The following GRIK4 variants were observed in gnomAD, a reference collection of about 807,000 sequenced individuals.
GRIK4 encodes the protein glutamate receptor ionotropic, kainate 4.
GRIK4 carries 40 observed loss-of-function variants against 104.9 expected under a neutral mutation model. The ratio of observed to expected loss-of-function variants is 0.38; its 90% CI spans 0.30 to 0.50. GRIK4 has a LOEUF of 0.50. GRIK4 is among the 20% of genes least tolerant of loss of function. GRIK4 has a pLI of 0.93. For synonymous variants in GRIK4, 485 were observed against 524.9 expected, an observed-to-expected ratio of 0.92 and a Z score of 1.04; for missense variants, 1,047 against 1,308.1, an observed-to-expected ratio of 0.80 and a Z score of 3.08.
In GRIK4 at chr11:120,790,059, C is replaced by T. The variant is rs1165738655; in HGVS notation, c.83-12634C>T. Among the ~76,000 whole-genome samples, 3 of 152,124 alleles carry T rather than the reference C, an allele frequency of 2.0e-5. No individual in the cohort carries two copies. In the East Asian group the frequency reaches 5.8e-4, roughly 29 times the overall value. On this transcript the variant is annotated intron_variant, in intron 3 of 20. Coordinates refer to ENST00000527524, the MANE Select transcript of GRIK4 (RefSeq NM_014619.5). ...GAGTCAAATGACCTCATCTTAGTCACCTGTGATTTCCCAGCACATGAACAG... is the reference window on the plus strand; with the variant it reads ...GAGTCAAATGACCTCATCTTAGTCATCTGTGATTTCCCAGCACATGAACAG...
intron 3 of GRIK4, among the ~76,000 whole-genome samples, chr11:120,664,292 C>T (rs1272798889): frequency 6.6e-6 from 1 of 152,210 alleles, no homozygotes; most frequent in Non-Finnish European, 1.5e-5. Flanking sequence ...GCTGAAGATC[C>T]TGGTTGGGTT....
At chr11:120,701,924 G>A (rs1950557455) in intron 3 of GRIK4, among the ~76,000 whole-genome samples, 1 of 149,084 alleles carries the variant, frequency 6.7e-6, no homozygotes, top group Admixed American at 6.7e-5. Flanking sequence ...GTATGTGTAA[G>A]AGAGACAGAT....
chr11:120,820,334 A>G lies in GRIK4; in HGVS notation c.511+414A>G, dbSNP rs960607679. Among the ~76,000 whole-genome samples the G allele has an allele frequency of 2.6e-5, 4 of 152,188 alleles. No individual in the cohort carries two copies. The South Asian group carries it at 8.3e-4, about 32-fold the overall frequency. On this transcript the variant is annotated intron_variant, in intron 6 of 20. Coordinates refer to ENST00000527524, the MANE Select transcript of GRIK4 (RefSeq NM_014619.5). The stretch of plus-strand genomic sequence containing the variant: ...AGATACAAAAAGAGAGAGAGGGAAC[A>G]TATAAAATTGGATGCATTTGTACTT...
intron 19 of GRIK4, among the ~76,000 whole-genome samples, chr11:120,972,163 C>T (rs976876135): frequency 6.6e-6 from 1 of 152,216 alleles, no homozygotes; most frequent in Non-Finnish European, 1.5e-5. Context: ...GATGCCCCAT[C>T]ATCATGCCAC....
intron 3 of GRIK4, among the ~76,000 whole-genome samples, chr11:120,715,259 C>T (rs1950807765): frequency 6.6e-6 from 1 of 152,188 alleles, no homozygotes; most frequent in African/African-American, 2.4e-5. Flanking sequence ...CCCTGGGGCA[C>T]AGTCCCGAGG....
chr11:120,817,675 GTA>G (rs1056152207), intron 5 of GRIK4, among the ~76,000 whole-genome samples: 3 of 152,174 alleles, frequency 2.0e-5, no homozygotes, highest in Non-Finnish European at 4.4e-5. Flanking sequence ...TGCACATTGA[GTA>G]TAGATCGATC....
intron 13 of GRIK4, among the ~76,000 whole-genome samples, chr11:120,916,787 G>A (rs1943113222): frequency 6.6e-6 from 1 of 152,194 alleles, no homozygotes; most frequent in South Asian, 2.1e-4. Flanking sequence ...TTAGACTTGA[G>A]TCTCATTCCC....
chr11:120,717,414 C>T (rs141542442), intron 3 of GRIK4, among the ~76,000 whole-genome samples: 23 of 152,242 alleles, frequency 1.5e-4, no homozygotes, highest in African/African-American at 5.1e-4. Flanking sequence ...TGCTCACAGG[C>T]GGATGAGCAT....
chr11:120,982,186 G>C lies in GRIK4; in HGVS notation c.2476G>C (p.Glu826Gln), dbSNP rs1234274683. 6.2e-7 allele frequency: 1 copy of C among 1,611,026 alleles called. No homozygotes were observed. The highest frequency in any genetic ancestry group is 1.7e-5 in the Admixed American group (1 of 60,002). Residue 826 changes from glutamate (E) to glutamine (Q), a missense_variant, in exon 20 of 21, where the codon GAG becomes CAG. Physicochemically the swap from Glu to Gln is conservative, Grantham distance 29 (BLOSUM62 2). Around this residue, in one of 3 missense-constraint regions of GRIK4, gnomAD observed 440 missense variants for 652.3 expected, o/e 0.67. Coordinates refer to ENST00000527524, the MANE Select transcript of GRIK4 (RefSeq NM_014619.5). ...CGTGGCCATTTTTATGGCTATGTTG[G>C]AGTTTTTATGGACTCTCAGACACTC... ...LIVAIFMAML[E>Q]FLWTLRHSEA...
intron 1 of GRIK4, among the ~76,000 whole-genome samples, chr11:120,602,653 T>C (rs1227646285): frequency 6.6e-6 from 1 of 152,210 alleles, no homozygotes; most frequent in Non-Finnish European, 1.5e-5. Context: ...TATCTGGGTA[T>C]GAGGGTATCT....
intron 4 of GRIK4, among the ~76,000 whole-genome samples, chr11:120,806,347 T>C (rs1952712446): frequency 6.6e-6 from 1 of 152,210 alleles, no homozygotes; most frequent in Admixed American, 6.5e-5. Context: ...TTTCTGGGCT[T>C]GATGCATCTG....
intron 1 of GRIK4, among the ~76,000 whole-genome samples, chr11:120,645,143 GTGTGTA>G (rs1186276847): frequency 1.9e-5 from 2 of 104,698 alleles, no homozygotes; most frequent in African/African-American, 7.8e-5. Context: ...GTGTGTGTGT[GTGTGTA>G]TGTGTATGTA....
chr11:120,797,821 A>G (rs2135504255), intron 3 of GRIK4, among the ~76,000 whole-genome samples: 1 of 152,262 alleles, frequency 6.6e-6, no homozygotes, highest in African/African-American at 2.4e-5. Flanking sequence ...AATGGGGTGA[A>G]GAGAGGACCT....
intron 1 of GRIK4, among the ~76,000 whole-genome samples, chr11:120,609,560 T>A (rs1949006933): frequency 7.6e-6 from 1 of 131,788 alleles, no homozygotes; most frequent in Admixed American, 8.5e-5. Flanking sequence ...AGAGTTTTGC[T>A]CTGTTGCCCA....
intron 8 of GRIK4, among the ~76,000 whole-genome samples, chr11:120,857,970 T>A (rs555626249): frequency 1.7e-4 from 26 of 152,316 alleles, no homozygotes; most frequent in African/African-American, 5.8e-4. Flanking sequence ...GCCCCACCAC[T>A]TGGCTTTACC....
At chr11:120,612,208 C>G (rs990301477) in intron 1 of GRIK4, among the ~76,000 whole-genome samples, 6 of 152,128 alleles carry the variant, frequency 3.9e-5, no homozygotes, top group South Asian at 2.1e-4. Context: ...ACTCGTCCGC[C>G]CGTGAACCAC....
rs902523053 is a variant in GRIK4, at chr11:120,755,479, C to T, written c.83-47214C>T. 5.3e-5 allele frequency among the ~76,000 whole-genome samples: 8 copies of T among 151,988 alleles called. No homozygotes were observed. In the South Asian group the frequency reaches 6.3e-4, roughly 12 times the overall value. On this transcript the variant is annotated intron_variant, in intron 3 of 20. Transcript: ENST00000527524. ...AGAAAAATAAAATAGCCAGTCATGGCAGCACTTAGTCTTAGCTACTTGGGA... is the reference window on the plus strand; with the variant it reads ...AGAAAAATAAAATAGCCAGTCATGGTAGCACTTAGTCTTAGCTACTTGGGA...
In GRIK4 at chr11:120,907,649, A is replaced by T. The variant is rs142856207; in HGVS notation, c.1476+2156A>T. The stretch of plus-strand genomic sequence containing the variant: ...TTCTGGACTAGTGAGTGAGACGGAG[A>T]TCAATGAATGATCGCATTCTTGTGT... On this transcript the variant is annotated intron_variant, in intron 13 of 20. Transcript: ENST00000527524. 4.6e-4 allele frequency among the ~76,000 whole-genome samples: 70 copies of T among 152,320 alleles called. No individual in the cohort carries two copies. In the South Asian group the frequency reaches 7.5e-3, roughly 16 times the overall value.
At position 120,517,628 on chromosome 11, in the gene GRIK4, G is replaced by A. The variant is rs562267529; in HGVS notation, c.-159+5741G>A. Among the ~76,000 whole-genome samples, 24 of 128,836 alleles carry A rather than the reference G, an allele frequency of 1.9e-4. 2 individuals carry two copies. The highest frequency in any genetic ancestry group is 7.3e-4 in the African/African-American group (22 of 30,140). The allele number at this position is 128,836 out of a possible 152,430, so 84.5% of individuals were successfully genotyped here. A position where few individuals can be genotyped will look rare whatever the true frequency, so the allele number is the denominator to read the frequency against. On this transcript the variant is annotated intron_variant, in intron 1 of 20. Coordinates refer to ENST00000527524, the MANE Select transcript of GRIK4 (RefSeq NM_014619.5). The stretch of plus-strand genomic sequence containing the variant: ...AGTGCTGAGTCACAGTGGGCATCTC[G>A]GGAAGGGGACAGCTGGGAAATAGAA...
Sources: gnomAD v4.1 joint callset for allele counts (sites outside exome capture counted in the v4.1 genomes callset) on GRCh38, gnomAD v4.1.1 for gene constraint, gnomAD v4.1.1 regional missense constraint, MANE v1.5 for transcripts, NCBI Gene and HGNC (gene_info 2026-07-23, HGNC 2026-07-21) for gene names.